The following PKD2L2 variants were observed in gnomAD, a reference collection of about 807,000 sequenced individuals.
PKD2L2 encodes polycystin 2 like 2, transient receptor potential cation channel, also known as polycystin-2-like protein 2.
Under a neutral mutation model 83.9 loss-of-function variants are expected in PKD2L2, and 67 were observed. That is an observed-to-expected ratio of 0.80 (90% confidence interval 0.66 to 0.98). The LOEUF (loss-of-function observed/expected upper bound fraction) is 0.98. Among genes scored for constraint, PKD2L2 ranks in the 50% least tolerant of loss-of-function variants. The pLI, the probability that PKD2L2 is intolerant of heterozygous loss-of-function variation, is 0.00. For missense variants in PKD2L2, 632 were observed against 717.2 expected (o/e 0.88, Z 1.36); for synonymous variants, 223 against 237.8 (o/e 0.94, Z 0.57).
At chr5:137,890,608 G>A (rs1323496224) in intron 2 of PKD2L2, 26 bp downstream of exon 2, 2 of 988,896 alleles carry the variant, frequency 2.0e-6, no homozygotes, top group East Asian at 2.7e-5. Context: ...TAAAGATGCT[G>A]TTTGTTTGAA....
At chr5:137,892,663 C>G (rs1275395126) in intron 3 of PKD2L2, 50 bp downstream of exon 3, 6 of 1,494,746 alleles carry the variant, frequency 4.0e-6, no homozygotes, top group African/African-American at 1.4e-5. Context: ...AGTCCATGAA[C>G]CCTTGGCATA....
intron 14 of PKD2L2, chr5:137,940,009 G>T: frequency 6.2e-7 from 1 of 1,604,334 alleles, no homozygotes; most frequent in Non-Finnish European, 8.5e-7. Context: ...AGGTGGAGAG[G>T]ACAGTCTGTG....
intron 4 of PKD2L2, among the ~76,000 whole-genome samples, chr5:137,895,052 C>A (rs1356089486): frequency 6.6e-6 from 1 of 152,142 alleles, no homozygotes; most frequent in East Asian, 1.9e-4. Context: ...GCTGCCCCTA[C>A]TAAAATGGGG....
At chr5:137,916,475 C>CTCT (rs1758358952) in intron 8 of PKD2L2, among the ~76,000 whole-genome samples, 1 of 93,216 alleles carries the variant, frequency 1.1e-5, no homozygotes, top group Admixed American at 1.4e-4. Flanking sequence ...CACTTTTCTT[C>CTCT]TTTTTTTTTT....
At chr5:137,936,919 A>C (rs1760480454) in intron 14 of PKD2L2, among the ~76,000 whole-genome samples, 1 of 152,228 alleles carries the variant, frequency 6.6e-6, no homozygotes, top group South Asian at 2.1e-4. Flanking sequence ...ACAAGCCTCC[A>C]GTATACACAC....
chr5:137,938,185 TTACA>T (rs1169605115), intron 14 of PKD2L2: 1 of 152,588 alleles, frequency 6.6e-6, no homozygotes, highest in African/African-American at 2.4e-5. Flanking sequence ...CATGCCACTT[TTACA>T]TATTCTACTC....
Position 137,940,237 on chromosome 5 carries a change from T to G in PKD2L2, c.*18-2147T>G, listed in dbSNP as rs144675545. The G allele has an allele frequency of 3.3e-5, 53 of 1,614,068 alleles. No homozygotes were observed. The Admixed American group carries it at 5.8e-4, about 18-fold the overall frequency. On this transcript the variant is annotated intron_variant, in intron 14 of 14. Transcript: ENST00000508883. The stretch of plus-strand genomic sequence containing the variant: ...CAAGGAACGTATCTTATATGGATTT[T>G]GAAGAATCTTGTTTGCTTATAAGAA...
At chr5:137,897,827 G>T (rs1266192066) in intron 4 of PKD2L2, among the ~76,000 whole-genome samples, 1 of 152,076 alleles carries the variant, frequency 6.6e-6, no homozygotes, top group Non-Finnish European at 1.5e-5. Flanking sequence ...AGTAGAACAG[G>T]TTTAAGCAGT....
Position 137,917,162 on chromosome 5 carries a change from C to CTT in PKD2L2, c.1329-4458_1329-4457dup, listed in dbSNP as rs34636933. 7.5e-3 allele frequency among the ~76,000 whole-genome samples: 958 copies of CTT among 127,108 alleles called. 20 individuals carry two copies. Among genetic ancestry groups the CTT allele is most frequent in the South Asian group, 0.019 (77 of 4,146 alleles). 83.4% of individuals were successfully genotyped at this position (127,108 alleles called of 152,430 possible). A position where few individuals can be genotyped will look rare whatever the true frequency, so the allele number is the denominator to read the frequency against. On this transcript the variant is annotated intron_variant, in intron 8 of 14. Coordinates refer to ENST00000508883, the MANE Select transcript of PKD2L2 (RefSeq NM_001300921.2). ...GGTCTCTTGGTATCTGTTCACTTTT[C>CTT]TTTTTTTTTTTTTTTTTGAGATGGG...
chr5:137,914,167 G>A (rs563747572), intron 8 of PKD2L2, among the ~76,000 whole-genome samples: 2 of 149,340 alleles, frequency 1.3e-5, no homozygotes, highest in Admixed American at 6.8e-5. Flanking sequence ...TGGGATTACA[G>A]GCATGAGCCA....
intron 4 of PKD2L2, among the ~76,000 whole-genome samples, chr5:137,895,657 T>A (rs1312255466): frequency 6.6e-6 from 1 of 151,550 alleles, no homozygotes; most frequent in Non-Finnish European, 1.5e-5. Flanking sequence ...GCAGGTGGAT[T>A]ATTTGAGTTC....
intron 8 of PKD2L2, among the ~76,000 whole-genome samples, chr5:137,910,010 G>C (rs542769700): frequency 6.6e-6 from 1 of 151,898 alleles, no homozygotes; most frequent in East Asian, 1.9e-4. Flanking sequence ...AATCACTGAG[G>C]CCAGGAGTTC....
intron 14 of PKD2L2, among the ~76,000 whole-genome samples, chr5:137,941,109 T>C (rs1761642910): frequency 6.6e-6 from 1 of 152,000 alleles, no homozygotes; most frequent in Non-Finnish European, 1.5e-5. Flanking sequence ...AGGGTTTCAC[T>C]GTGTTAGCCA....
Position 137,934,256 on chromosome 5 carries a change from A to G in PKD2L2, c.1672-1541A>G, listed in dbSNP as rs138671210. 9.9e-5 allele frequency among the ~76,000 whole-genome samples: 15 copies of G among 152,252 alleles called. No homozygotes were observed. In the East Asian group the frequency reaches 2.9e-3, roughly 29 times the overall value. ...TGCTCAGCTTATGAGGAAAGGTACC[A>G]CTTTCCTCTAAGTGTCAAGGAAGGC... On this transcript the variant is annotated intron_variant, in intron 12 of 14. Transcript: ENST00000508883.
intron 14 of PKD2L2, chr5:137,940,138 A>G (rs1315083471): frequency 6.2e-7 from 1 of 1,613,920 alleles, no homozygotes; most frequent in Non-Finnish European, 8.5e-7. Flanking sequence ...GCCTGACAAA[A>G]CGAATTTAAG....
At chr5:137,917,798 TTTTCCATTGAATGGCTCATA>T (rs1320900709) in intron 8 of PKD2L2, among the ~76,000 whole-genome samples, 3 of 152,244 alleles carry the variant, frequency 2.0e-5, no homozygotes, top group African/African-American at 7.2e-5. Flanking sequence ...TGTTTTTGTT[TTTTCCATTGAATGGCTCATA>T]TTTCCATTTC....
intron 12 of PKD2L2, among the ~76,000 whole-genome samples, chr5:137,928,917 A>C (rs1232209781): frequency 6.6e-6 from 1 of 152,118 alleles, no homozygotes; most frequent in African/African-American, 2.4e-5. Context: ...ACATTTTAAC[A>C]TCTGTGAAAT....
At chr5:137,914,316 A>C (rs980953195) in intron 8 of PKD2L2, among the ~76,000 whole-genome samples, 1 of 152,176 alleles carries the variant, frequency 6.6e-6, no homozygotes, top group Non-Finnish European at 1.5e-5. Flanking sequence ...TGACACTCAA[A>C]GAAATGCGCA....
chr5:137,905,349 T>G (rs1757281884), intron 5 of PKD2L2, among the ~76,000 whole-genome samples: 1 of 152,222 alleles, frequency 6.6e-6, no homozygotes, highest in Admixed American at 6.5e-5. Context: ...TTTTCCTTTT[T>G]TGATTAGTCT....
Sources: gnomAD v4.1 joint callset for allele counts (sites outside exome capture counted in the v4.1 genomes callset) on GRCh38, gnomAD v4.1.1 for gene constraint, MANE v1.5 for transcripts, NCBI Gene and HGNC (gene_info 2026-07-23, HGNC 2026-07-21) for gene names.